Variants in ZW10 observed in about 807,000 individuals in gnomAD.
The protein encoded by ZW10 is zw10 kinetochore protein.
ZW10 carries 53 observed loss-of-function variants against 87.8 expected under a neutral mutation model. That is an observed-to-expected ratio of 0.60 (90% confidence interval 0.48 to 0.76). The LOEUF (loss-of-function observed/expected upper bound fraction) is 0.76. Ranked by LOEUF, ZW10 falls within the 30% of genes least tolerant of loss-of-function variation. The pLI, the probability that ZW10 is intolerant of heterozygous loss-of-function variation, is 0.00. For synonymous variants in ZW10, 312 were observed against 329.2 expected (o/e 0.95, Z 0.57); for missense variants, 837 against 923.0 (o/e 0.91, Z 1.21).
intron 2 of ZW10, among the ~76,000 whole-genome samples, chr11:113,763,161 C>T (rs1953879549): frequency 2.0e-5 from 3 of 152,170 alleles, no homozygotes; most frequent in African/African-American, 7.2e-5. Context: ...ATGGTGGCTT[C>T]CAGCTTCATC....
chr11:113,760,002 A>C (rs182970904), intron 5 of ZW10, among the ~76,000 whole-genome samples: 1 of 152,340 alleles, frequency 6.6e-6, no homozygotes. Context: ...GACAGCTAAG[A>C]GGGATGTAAG....
In ZW10 at chr11:113,736,615, C is replaced by T; in HGVS notation, c.2219+5G>A. 1 of 1,614,126 alleles carries T rather than the reference C, an allele frequency of 6.2e-7. No homozygotes were observed. The highest frequency in any genetic ancestry group is 8.5e-7 in the Non-Finnish European group (1 of 1,179,982). The stretch of plus-strand genomic sequence containing the variant: ...TATATGCCTCTATAGAAGGGTTATA[C>T]ATACCGATCCCCAATTTCTTGCAAG... On this transcript the variant is annotated splice_donor_5th_base_variant and intron_variant, in intron 15 of 15. Transcript: ENST00000200135.
intron 1 of ZW10, 68 bp downstream of exon 1, chr11:113,773,494 C>G (rs1937665984): frequency 7.2e-7 from 1 of 1,391,488 alleles, no homozygotes. Context: ...CCTGACTCCT[C>G]TCTCCAGTCC....
At chr11:113,760,686 C>T (rs1953848395) in intron 3 of ZW10, 96 bp from the exon 4 acceptor site, 1 of 1,154,984 alleles carries the variant, frequency 8.7e-7, no homozygotes, top group Non-Finnish European at 1.2e-6. Flanking sequence ...TCCCCCTCCC[C>T]CCTCTAAAAA....
chr11:113,762,469 C>G (rs137913247), intron 2 of ZW10, among the ~76,000 whole-genome samples: 40 of 152,070 alleles, frequency 2.6e-4, no homozygotes, highest in African/African-American at 8.9e-4. Flanking sequence ...AATTTTCTTT[C>G]TTCATAATAA....
intron 10 of ZW10, among the ~76,000 whole-genome samples, chr11:113,742,006 A>G (rs778359349): frequency 1.7e-4 from 26 of 152,252 alleles, no homozygotes; most frequent in African/African-American, 4.1e-4. Flanking sequence ...GAAGAGCCGC[A>G]TTCAACCCAA....
chr11:113,748,539 T>C, intron 7 of ZW10, 119 bp from the exon 8 acceptor site: 1 of 785,660 alleles, frequency 1.3e-6, no homozygotes, highest in Non-Finnish European at 2.0e-6. Flanking sequence ...CACAGATAAT[T>C]CCACAGCCTT....
At chr11:113,735,847 C>T (rs1953545982) in intron 15 of ZW10, among the ~76,000 whole-genome samples, 1 of 152,286 alleles carries the variant, frequency 6.6e-6, no homozygotes, top group Admixed American at 6.5e-5. Context: ...GTATATGGTG[C>T]TTAACCTCTA....
chr11:113,764,147 G>A (rs1041065182), intron 2 of ZW10, among the ~76,000 whole-genome samples: 32 of 152,090 alleles, frequency 2.1e-4, no homozygotes, highest in Non-Finnish European at 4.1e-4. Context: ...TTTTTGTCAG[G>A]TTTGTCAAAG....
At chr11:113,772,992 A>G in intron 1 of ZW10, among the ~76,000 whole-genome samples, 1 of 151,012 alleles carries the variant, frequency 6.6e-6, no homozygotes, top group East Asian at 2.0e-4. Flanking sequence ...ATAGATAGAT[A>G]CATAAAAATA....
intron 7 of ZW10, among the ~76,000 whole-genome samples, 155 bp downstream of exon 7, chr11:113,757,507 C>A (rs575397361): frequency 8.7e-4 from 133 of 152,318 alleles, no homozygotes; most frequent in African/African-American, 3.2e-3. Flanking sequence ...GGCAAAAAAA[C>A]AAGAAGGCAA....
At chr11:113,757,531 A>G in intron 7 of ZW10, 131 bp downstream of exon 7, 2 of 706,014 alleles carry the variant, frequency 2.8e-6, no homozygotes, top group Non-Finnish European at 4.1e-6. Flanking sequence ...TTTTGCCCCT[A>G]TGGCACAATT....
At position 113,743,968 on chromosome 11, in the gene ZW10, T is replaced by C. The variant is rs1318080616; in HGVS notation, c.1345A>G (p.Lys449Glu). The change falls in exon 10 of 16, where the codon AAA becomes GAA. Residue 449 changes from lysine (K) to glutamate (E), a missense_variant. Physicochemically the swap from Lys to Glu is moderately conservative, Grantham distance 56 (BLOSUM62 1). Coordinates refer to ENST00000200135, the MANE Select transcript of ZW10 (RefSeq NM_004724.4). Reference protein sequence around the residue: ...PDEDNKLEVQKVSNTQYHEVM... With the variant: ...PDEDNKLEVQEVSNTQYHEVM... ...TCGTGGTACTGAGTATTGGATACTT[T>C]CTGTACTTCCAGTTTGTTATCCTCA... The C allele has an allele frequency of 6.2e-7, 1 of 1,614,232 alleles. No homozygotes were observed. Among genetic ancestry groups the C allele is most frequent in the South Asian group, 1.1e-5 (1 of 91,092 alleles).
chr11:113,760,433 G>A, intron 4 of ZW10, 65 bp from the exon 5 acceptor site: 1 of 1,603,470 alleles, frequency 6.2e-7, no homozygotes, highest in Non-Finnish European at 8.5e-7. Context: ...GAATATATTT[G>A]CATAATGATA....
At chr11:113,759,167 G>A (rs1416189634) in intron 5 of ZW10, among the ~76,000 whole-genome samples, 1 of 152,138 alleles carries the variant, frequency 6.6e-6, no homozygotes, top group Non-Finnish European at 1.5e-5. Flanking sequence ...CTGCACTCCA[G>A]CCTGGGCGAC....
rs1247219117 is a variant in ZW10 at position 113,750,396 on chromosome 11, TG to T, written c.926-1977del. Among the ~76,000 whole-genome samples, 5 of 151,958 alleles carry T rather than the reference TG, an allele frequency of 3.3e-5. No homozygotes were observed. In the East Asian group the frequency reaches 9.6e-4, roughly 29 times the overall value. On this transcript the variant is annotated intron_variant, in intron 7 of 15. Coordinates refer to ENST00000200135, the MANE Select transcript of ZW10 (RefSeq NM_004724.4). ...TTGGCTCACTGCAACCTCCGCCTCC[TG>T]GGTTCAAGCGATTCTCCTTCCTCGG...
chr11:113,745,423 T>G (rs1953668262), intron 9 of ZW10, among the ~76,000 whole-genome samples: 1 of 152,178 alleles, frequency 6.6e-6, no homozygotes, highest in Non-Finnish European at 1.5e-5. Flanking sequence ...GTTCAAAGTC[T>G]AATAAAACTA....
At chr11:113,762,168 T>C (rs912154799) in intron 2 of ZW10, among the ~76,000 whole-genome samples, 2 of 152,348 alleles carry the variant, frequency 1.3e-5, no homozygotes, top group South Asian at 2.1e-4. Context: ...ACCTAGGCTA[T>C]ATAAAACTAT....
At chr11:113,762,359 G>A (rs1367122242) in intron 2 of ZW10, among the ~76,000 whole-genome samples, 1 of 152,068 alleles carries the variant, frequency 6.6e-6, no homozygotes, top group Non-Finnish European at 1.5e-5. Context: ...TGAGTCAGTG[G>A]GTGAGTGGTG....
Sources: gnomAD v4.1 joint callset for allele counts (sites outside exome capture counted in the v4.1 genomes callset) on GRCh38, gnomAD v4.1.1 for gene constraint, MANE v1.5 for transcripts, NCBI Gene and HGNC (gene_info 2026-07-23, HGNC 2026-07-21) for gene names.